The following COG7 variants were observed in gnomAD, a reference collection of about 807,000 sequenced individuals.
COG7 encodes component of oligomeric golgi complex 7, also known as conserved oligomeric Golgi complex subunit 7.
Under a neutral mutation model 91.5 loss-of-function variants are expected in COG7, and 49 were observed. The ratio of observed to expected loss-of-function variants is 0.54; its 90% CI spans 0.43 to 0.68. COG7 has a LOEUF of 0.68. Ranked by LOEUF, COG7 falls within the 30% of genes least tolerant of loss-of-function variation. COG7 has a pLI of 0.00. For synonymous variants in COG7, 365 were observed against 388.7 expected (o/e 0.94, Z 0.72); for missense variants, 895 against 961.3 (o/e 0.93, Z 0.91).
intron 4 of COG7, among the ~76,000 whole-genome samples, chr16:23,440,083 T>C (rs987486121): frequency 4.7e-5 from 3 of 63,740 alleles, no homozygotes; most frequent in Admixed American, 2.0e-4. Context: ...ACCCCATCTA[T>C]ACAAAAAAAA....
chr16:23,417,764 A>G (rs987660180), intron 8 of COG7, among the ~76,000 whole-genome samples: 9 of 152,198 alleles, frequency 5.9e-5, no homozygotes, highest in African/African-American at 2.2e-4. Context: ...TGTATGACAG[A>G]GCAAGACCCT....
rs1963577607 is a variant in COG7 at position 23,412,357 on chromosome 16, G to A, written c.1409+1091C>T. The A allele has an allele frequency of 2.0e-5, 3 of 152,238 alleles. No individual in the cohort carries two copies. The South Asian group carries it at 6.2e-4, about 31-fold the overall frequency. The allele number at this position is 152,238 out of a possible 1,614,324, so 9.4% of individuals were successfully genotyped here. A position where few individuals can be genotyped will look rare whatever the true frequency, so the allele number is the denominator to read the frequency against. The stretch of plus-strand genomic sequence containing the variant: ...GTGGCTATGACAATGCAGGCCCAGT[G>A]TTGCCTGAGCATCTCATTTTTTAGG... On this transcript the variant is annotated intron_variant, in intron 10 of 16. Transcript: ENST00000307149.
chr16:23,438,285 A>C (rs1964043888), intron 4 of COG7, among the ~76,000 whole-genome samples: 1 of 152,096 alleles, frequency 6.6e-6, no homozygotes, highest in Non-Finnish European at 1.5e-5. Flanking sequence ...AGGGCCAGGC[A>C]CCCTGGCTCA....
chr16:23,443,869 C>A (rs568174146), intron 3 of COG7, among the ~76,000 whole-genome samples: 1 of 151,648 alleles, frequency 6.6e-6, no homozygotes, highest in Non-Finnish European at 1.5e-5. Flanking sequence ...AATTAGCCCC[C>A]GGCCGGGCAT....
intron 1 of COG7, 121 bp downstream of exon 1, chr16:23,452,705 T>C: frequency 6.8e-7 from 1 of 1,471,928 alleles, no homozygotes; most frequent in Non-Finnish European, 9.0e-7. Context: ...CTTGCTCTTT[T>C]GCCGAGGGTA....
At chr16:23,419,355 G>A in intron 7 of COG7, among the ~76,000 whole-genome samples, 1 of 150,210 alleles carries the variant, frequency 6.7e-6, no homozygotes, top group Non-Finnish European at 1.5e-5. Flanking sequence ...AGGTTGTGGT[G>A]AGCTGAGATC....
At chr16:23,413,730 T>C (rs1963607090) in intron 9 of COG7, 166 bp from the exon 10 acceptor site, 1 of 601,250 alleles carries the variant, frequency 1.7e-6, no homozygotes, top group East Asian at 2.9e-5. Flanking sequence ...ACACAAAAAG[T>C]TCTTCTCTAT....
At chr16:23,424,528 C>G (rs1442111126) in intron 7 of COG7, among the ~76,000 whole-genome samples, 1 of 152,132 alleles carries the variant, frequency 6.6e-6, no homozygotes, top group Admixed American at 6.5e-5. Flanking sequence ...ATGTAAGGCA[C>G]CCAGGCAGCA....
In COG7 at chr16:23,435,322, G is replaced by A. The variant is rs574596070; in HGVS notation, c.605-604C>T. ...GCAGAGGTTGCAGTGAGCCAAGATC[G>A]CGCCACTGCACTCCAGCCTGGCCAA... is the stretch of plus-strand genomic sequence containing the variant. On this transcript the variant is annotated intron_variant, in intron 4 of 16. Transcript: ENST00000307149. 7.2e-5 allele frequency among the ~76,000 whole-genome samples: 11 copies of A among 152,074 alleles called. No homozygotes were observed. The South Asian group carries it at 1.0e-3, about 14-fold the overall frequency.
chr16:23,433,794 G>T, intron 5 of COG7, 127 bp from the exon 6 acceptor site: 2 of 974,500 alleles, frequency 2.1e-6, no homozygotes, highest in African/African-American at 1.7e-5. Context: ...GCCCAGTGAG[G>T]TCCATTCACT....
chr16:23,407,757 G>T (rs1328457106), intron 11 of COG7, among the ~76,000 whole-genome samples: 1 of 152,130 alleles, frequency 6.6e-6, no homozygotes, highest in Non-Finnish European at 1.5e-5. Context: ...AAGGATGGGT[G>T]ACCCTGGCTT....
chr16:23,413,267 G>T, intron 10 of COG7, 181 bp downstream of exon 10: 2 of 585,710 alleles, frequency 3.4e-6, no homozygotes, highest in Non-Finnish European at 6.2e-6. Flanking sequence ...CTTTTTGTTG[G>T]TTGGTTTGGG....
chr16:23,421,299 CCT>C (rs1354918157), intron 7 of COG7, among the ~76,000 whole-genome samples: 1 of 151,506 alleles, frequency 6.6e-6, no homozygotes, highest in African/African-American at 2.4e-5. Flanking sequence ...GGTAAAAATT[CCT>C]CACTATATAA....
At chr16:23,396,966 G>C (rs140639388) in intron 14 of COG7, among the ~76,000 whole-genome samples, 1 of 152,216 alleles carries the variant, frequency 6.6e-6, no homozygotes, top group East Asian at 1.9e-4. Context: ...CAGGAGTGCA[G>C]TGGTGCAATC....
In COG7 at chr16:23,413,136, T is replaced by C. The variant is rs189605485; in HGVS notation, c.1409+312A>G. The C allele has an allele frequency of 7.5e-4, 258 of 345,182 alleles. 1 individual carries two copies. Among genetic ancestry groups the C allele is most frequent in the African/African-American group, 4.5e-3 (211 of 46,936 alleles). The allele number at this position is 345,182 out of a possible 1,614,324, so 21.4% of individuals were successfully genotyped here. Reference sequence around the variant, plus strand: ...TAAGCCCTAAGTTATTTTAGGTCTATAAAAACTATACGCTAAGGTGGGGGT... The same window carrying C: ...TAAGCCCTAAGTTATTTTAGGTCTACAAAAACTATACGCTAAGGTGGGGGT... On this transcript the variant is annotated intron_variant, in intron 10 of 16. Transcript: ENST00000307149.
At chr16:23,428,505 C>T (rs1489450874) in intron 6 of COG7, among the ~76,000 whole-genome samples, 1 of 151,900 alleles carries the variant, frequency 6.6e-6, no homozygotes, top group Non-Finnish European at 1.5e-5. Flanking sequence ...TCCTCAACAT[C>T]CTTAGTCATC....
At chr16:23,444,557 A>C (rs138729143) in intron 3 of COG7, among the ~76,000 whole-genome samples, 1 of 144,564 alleles carries the variant, frequency 6.9e-6, no homozygotes, top group East Asian at 2.0e-4. Context: ...GTCCCTCAGC[A>C]TAGTGGTATG....
rs920901515 is a variant in COG7, at chr16:23,418,906, G to A, written c.1010-79C>T. 1.9e-5 allele frequency: 25 copies of A among 1,327,718 alleles called. No homozygotes were observed. In the African/African-American group the frequency reaches 1.9e-4, roughly 10 times the overall value. 82.2% of individuals were successfully genotyped at this position (1,327,718 alleles called of 1,614,324 possible). A position where few individuals can be genotyped will look rare whatever the true frequency, so the allele number is the denominator to read the frequency against. ...TGTGGGAAAGCAACAATCAAGAGGCGCTCTACTAGAACTTTCCCCATTTGA... is the reference window on the plus strand; with the variant it reads ...TGTGGGAAAGCAACAATCAAGAGGCACTCTACTAGAACTTTCCCCATTTGA... On this transcript the variant is annotated intron_variant, in intron 7 of 16. Coordinates refer to ENST00000307149, the MANE Select transcript of COG7 (RefSeq NM_153603.4).
chr16:23,446,526 A>G (rs1035306458), intron 1 of COG7: 2 of 143,064 alleles, frequency 1.4e-5, no homozygotes, highest in Non-Finnish European at 2.9e-5. Flanking sequence ...ATCTCGGCTC[A>G]CTGCAACCTC....
Sources: gnomAD v4.1 joint callset for allele counts (sites outside exome capture counted in the v4.1 genomes callset) on GRCh38, gnomAD v4.1.1 for gene constraint, MANE v1.5 for transcripts, NCBI Gene and HGNC (gene_info 2026-07-23, HGNC 2026-07-21) for gene names.